EPHA6: variants seen among roughly 807,000 people sequenced by gnomAD.
EPHA6 encodes ephrin type-A receptor 6.
In EPHA6, 50 loss-of-function variants were observed where a neutral mutation model predicts 112.0. The ratio of observed to expected loss-of-function variants is 0.45; its 90% CI spans 0.36 to 0.56. The LOEUF is 0.56. EPHA6 is among the 20% of genes least tolerant of loss of function. The pLI is 0.00. For missense variants in EPHA6, 1,280 were observed against 1,417.4 expected, an observed-to-expected ratio of 0.90 and a Z score of 1.56; for synonymous variants, 529 against 490.7, an observed-to-expected ratio of 1.08 and a Z score of -1.03.
intron 10 of EPHA6, among the ~76,000 whole-genome samples, chr3:97,506,582 T>C (rs1214626778): frequency 1.3e-5 from 2 of 152,208 alleles, no homozygotes; most frequent in Middle Eastern, 3.2e-3. Context: ...TTGGTTACTG[T>C]AGCCTTGTAG....
At chr3:97,059,182 CCT>C (rs1245804352) in intron 3 of EPHA6, among the ~76,000 whole-genome samples, 1 of 152,110 alleles carries the variant, frequency 6.6e-6, no homozygotes, top group Non-Finnish European at 1.5e-5. Context: ...CAAATATATG[CCT>C]CTTAGTATCT....
At chr3:97,699,441 T>C (rs537083654) in intron 14 of EPHA6, among the ~76,000 whole-genome samples, 1 of 152,342 alleles carries the variant, frequency 6.6e-6, no homozygotes, top group East Asian at 1.9e-4. Flanking sequence ...TCCTATAAGG[T>C]ACTGTCATTA....
intron 11 of EPHA6, among the ~76,000 whole-genome samples, chr3:97,565,862 C>CA (rs200379999): frequency 0.015 from 2,331 of 151,690 alleles, 75 homozygotes; most frequent in African/African-American, 0.053. Flanking sequence ...ACTAAAAATA[C>CA]AAAAATTAGC....
At chr3:96,942,068 C>T (rs2040986585) in intron 2 of EPHA6, among the ~76,000 whole-genome samples, 2 of 152,200 alleles carry the variant, frequency 1.3e-5, no homozygotes, top group South Asian at 2.1e-4. Flanking sequence ...GTCAGGGACC[C>T]ACTTGAGGAG....
chr3:96,845,727 G>A (rs2035034186), intron 1 of EPHA6, among the ~76,000 whole-genome samples: 1 of 152,006 alleles, frequency 6.6e-6, no homozygotes, highest in South Asian at 2.1e-4. Context: ...TATCCTTGAA[G>A]GAATTTGTTG....
chr3:97,072,965 G>T (rs2108166469), intron 3 of EPHA6, among the ~76,000 whole-genome samples: 1 of 152,228 alleles, frequency 6.6e-6, no homozygotes, highest in Middle Eastern at 3.4e-3. Context: ...CACAGCATGT[G>T]GGTTTTCCAC....
intron 11 of EPHA6, among the ~76,000 whole-genome samples, chr3:97,591,953 T>C (rs2093549031): frequency 6.6e-6 from 1 of 152,206 alleles, no homozygotes; most frequent in African/African-American, 2.4e-5. Context: ...ATTCTATGAT[T>C]CATTATATAA....
intron 3 of EPHA6, among the ~76,000 whole-genome samples, chr3:97,137,882 A>T (rs996446003): frequency 3.3e-5 from 5 of 152,192 alleles, no homozygotes; most frequent in African/African-American, 1.2e-4. Context: ...TTAAAAATGT[A>T]GAAAAAAATG....
At chr3:96,866,954 G>A in intron 2 of EPHA6, 65 bp downstream of exon 2, 1 of 921,142 alleles carries the variant, frequency 1.1e-6, no homozygotes, top group South Asian at 2.1e-5. Flanking sequence ...AATAGTTGAT[G>A]GAACAGTGAA....
At position 97,570,820 on chromosome 3, in the gene EPHA6, A is replaced by G. The variant is rs540345771; in HGVS notation, c.2387-21792A>G. On this transcript the variant is annotated intron_variant, in intron 11 of 17. Coordinates refer to ENST00000389672, the MANE Select transcript of EPHA6 (RefSeq NM_001080448.3). ...GAAATAGAAAGTTTTGAAGATTTTT[A>G]AGATAATAATGCTGCCTGAAGCAGG... Among the ~76,000 whole-genome samples the G allele has an allele frequency of 2.3e-4, 35 of 152,310 alleles. 1 individual carries two copies. Among genetic ancestry groups the G allele is most frequent in the African/African-American group, 6.0e-4 (25 of 41,566 alleles).
At chr3:97,517,530 T>C (rs1176953247) in intron 10 of EPHA6, among the ~76,000 whole-genome samples, 2 of 152,142 alleles carry the variant, frequency 1.3e-5, no homozygotes, top group Admixed American at 1.3e-4. Flanking sequence ...TAGATGTGCA[T>C]ATTGTAGAAT....
intron 2 of EPHA6, among the ~76,000 whole-genome samples, chr3:96,874,846 G>T (rs2036850417): frequency 6.6e-6 from 1 of 152,066 alleles, no homozygotes; most frequent in African/African-American, 2.4e-5. Flanking sequence ...AAAGATACAT[G>T]CAGAAGGGTT....
At chr3:97,578,110 A>C (rs146469535) in intron 11 of EPHA6, among the ~76,000 whole-genome samples, 3 of 152,332 alleles carry the variant, frequency 2.0e-5, no homozygotes, top group East Asian at 3.9e-4. Context: ...AGGGACCAGG[A>C]ATGCTAAAAA....
chr3:97,468,508 A>G (rs924921241), intron 7 of EPHA6, among the ~76,000 whole-genome samples: 3 of 151,506 alleles, frequency 2.0e-5, no homozygotes, highest in Admixed American at 2.0e-4. Context: ...AGATAGCATC[A>G]AATATTGAAT....
At chr3:97,466,576 T>C (rs1225980058) in intron 7 of EPHA6, 1 of 708,088 alleles carries the variant, frequency 1.4e-6, no homozygotes, top group Admixed American at 2.2e-5. Context: ...AGTTCTGTTT[T>C]CTTCTCTGAT....
At chr3:97,063,227 T>C (rs1232523500) in intron 3 of EPHA6, among the ~76,000 whole-genome samples, 1 of 152,142 alleles carries the variant, frequency 6.6e-6, no homozygotes, top group Non-Finnish European at 1.5e-5. Flanking sequence ...TATAAATCTT[T>C]CTATTATAAA....
At chr3:97,089,890 A>C (rs1197560418) in intron 3 of EPHA6, among the ~76,000 whole-genome samples, 1 of 152,096 alleles carries the variant, frequency 6.6e-6, no homozygotes, top group Non-Finnish European at 1.5e-5. Flanking sequence ...ATGCTGGTTT[A>C]ATTGAAAACA....
intron 1 of EPHA6, among the ~76,000 whole-genome samples, chr3:96,861,846 T>C (rs999737482): frequency 2.0e-5 from 3 of 151,974 alleles, no homozygotes; most frequent in African/African-American, 4.8e-5. Context: ...TGATCCTCTT[T>C]AGAAGATTTT....
intron 14 of EPHA6, among the ~76,000 whole-genome samples, chr3:97,666,941 T>G (rs1213471836): frequency 6.6e-6 from 1 of 152,208 alleles, no homozygotes; most frequent in Non-Finnish European, 1.5e-5. Flanking sequence ...AGCCCTGTAT[T>G]TCCATTAGTG....
Sources: allele counts gnomAD v4.1 joint callset (sites outside exome capture counted in the v4.1 genomes callset), GRCh38; gene constraint gnomAD v4.1.1; transcripts MANE v1.5; gene names NCBI Gene and HGNC (gene_info 2026-07-23, HGNC 2026-07-21).